CLIP3: variants seen among roughly 807,000 people sequenced by gnomAD.
CLIP3 encodes CAP-Gly domain-containing linker protein 3.
Under a neutral mutation model 59.4 loss-of-function variants are expected in CLIP3, and 15 were observed. The ratio of observed to expected loss-of-function variants is 0.25; its 90% confidence interval spans 0.17 to 0.39. The LOEUF is 0.39. Ranked by LOEUF, CLIP3 falls within the 10% of genes least tolerant of loss-of-function variation. CLIP3 has a pLI of 1.00. For missense variants in CLIP3, 495 were observed against 765.7 expected (o/e 0.65, Z 4.17); for synonymous variants, 300 against 321.6 (o/e 0.93, Z 0.72).
At chr19:36,021,738 A>G (rs997825664) in intron 7 of CLIP3, among the ~76,000 whole-genome samples, 4 of 151,636 alleles carry the variant, frequency 2.6e-5, no homozygotes, top group African/African-American at 9.7e-5. Context: ...CATTTTTAAC[A>G]CATGTAAACT....
intron 2 of CLIP3, among the ~76,000 whole-genome samples, chr19:36,028,210 C>T (rs1003051448): frequency 6.6e-6 from 1 of 151,776 alleles, no homozygotes; most frequent in Non-Finnish European, 1.5e-5. Flanking sequence ...TGGTGGTGGG[C>T]GCCGGTAATC....
intron 7 of CLIP3, among the ~76,000 whole-genome samples, chr19:36,022,861 C>G (rs542748007): frequency 8.4e-4 from 128 of 152,256 alleles, no homozygotes; most frequent in African/African-American, 2.9e-3. Context: ...CAAGACCATC[C>G]TGGCTAACAC....
intron 2 of CLIP3, among the ~76,000 whole-genome samples, chr19:36,028,157 G>T (rs1329245550): frequency 6.6e-6 from 1 of 151,892 alleles, no homozygotes; most frequent in Non-Finnish European, 1.5e-5. Context: ...GTCCAACGTG[G>T]TGAAACCCTG....
rs752645258 is a variant in CLIP3, at chr19:36,026,615, C to T, written c.533G>A (p.Arg178His). ...CGGCCTCGCACCCTTCAGCAGCACA[C>T]GCACGAGGTCGGGCACATCAAAATA... ...AAYFDVPDLV[R>H]VLLKGARPRV... is the part of the protein sequence containing the mutation. Residue 178 changes from arginine to histidine, a missense_variant, in exon 5 of 14, where the codon CGT becomes CAT. Physicochemically the swap from Arg to His is conservative, Grantham distance 29. This residue lies in a region of CLIP3 where 194 missense variants were observed against 327.8 expected (regional missense o/e 0.59). Transcript: ENST00000360535. The surrounding 1 kb of genome is among the most constrained non-coding windows in gnomAD (Gnocchi z 6.3). The T allele has an allele frequency of 5.6e-6, 9 of 1,613,606 alleles. No homozygotes were observed. The highest frequency in any genetic ancestry group is 1.6e-4 in the Middle Eastern group (1 of 6,082).
chr19:36,031,025 T>TTTTC (rs1969251739), intron 2 of CLIP3, among the ~76,000 whole-genome samples: 1 of 82,652 alleles, frequency 1.2e-5, no homozygotes, highest in African/African-American at 6.6e-5. Flanking sequence ...TTTTTTTTCT[T>TTTTC]TTTTTTTTTT....
chr19:36,027,149 C>G lies in CLIP3; in HGVS notation c.289G>C (p.Asp97His). The change falls in exon 3 of 14, where the codon GAC (aspartate) becomes CAC (histidine). Residue 97 changes from aspartate (D) to histidine (H), a missense_variant. Physicochemically the swap from Asp to His is moderately conservative, Grantham distance 81. This residue lies in a region of CLIP3 where 26 missense variants were observed against 79.5 expected (regional missense o/e 0.33). Coordinates refer to ENST00000360535, the MANE Select transcript of CLIP3 (RefSeq NM_015526.3). ...GTTCTCACCTCATTGCCGATGACGT[C>G]TATCTTGTGCTGGACTTGGGGCACC... The part of the protein sequence containing the change: ...QWVPQVQHKI[D>H]VIGNEILRRG... 1 of 1,611,548 alleles carries G rather than the reference C, an allele frequency of 6.2e-7. No individual in the cohort carries two copies. Among genetic ancestry groups the G allele is most frequent in the Non-Finnish European group, 8.5e-7 (1 of 1,178,906 alleles).
intron 9 of CLIP3, among the ~76,000 whole-genome samples, chr19:36,018,313 G>A (rs576018255): frequency 1.1e-4 from 17 of 152,238 alleles, no homozygotes; most frequent in African/African-American, 3.6e-4. Context: ...GTGCAGTGGC[G>A]CAGGCCTGTA....
Position 36,018,086 on chromosome 19 carries a change from T to C in CLIP3, c.1184-95A>G. 2.8e-6 allele frequency: 4 copies of C among 1,412,312 alleles called. No homozygotes were observed. The South Asian group carries it at 5.1e-5, about 18-fold the overall frequency. The allele number at this position is 1,412,312 out of a possible 1,614,324, so 87.5% of individuals were successfully genotyped here. ...AAAACCCCAAGGTAGAAAACCCTGTTCTTCGTTTGAAGTGAAACTGAATCC... is the reference window on the plus strand; with the variant it reads ...AAAACCCCAAGGTAGAAAACCCTGTCCTTCGTTTGAAGTGAAACTGAATCC... On this transcript the variant is annotated intron_variant, in intron 9 of 13. Transcript: ENST00000360535.
chr19:36,024,302 G>C, intron 7 of CLIP3, 94 bp downstream of exon 7: 2 of 1,038,016 alleles, frequency 1.9e-6, no homozygotes, highest in East Asian at 2.5e-5. Flanking sequence ...ACAAAGGGCA[G>C]GGACTGCACT....
At chr19:36,019,144 C>T in intron 8 of CLIP3, 27 bp downstream of exon 8, 2 of 1,613,512 alleles carry the variant, frequency 1.2e-6, no homozygotes, top group Non-Finnish European at 1.7e-6. Flanking sequence ...CCAGCCACAC[C>T]CCTCTTGGGC....
intron 7 of CLIP3, 96 bp downstream of exon 7, chr19:36,024,300 C>T: frequency 2.0e-6 from 2 of 1,014,744 alleles, no homozygotes; most frequent in Non-Finnish European, 2.9e-6. Flanking sequence ...AGACAAAGGG[C>T]AGGGACTGCA....
intron 2 of CLIP3, among the ~76,000 whole-genome samples, chr19:36,029,807 T>C (rs370009825): frequency 6.6e-6 from 1 of 152,112 alleles, no homozygotes; most frequent in South Asian, 2.1e-4. Context: ...ATTTAACAGA[T>C]ACATGATTTC....
intron 6 of CLIP3, among the ~76,000 whole-genome samples, chr19:36,025,299 G>A (rs552285811): frequency 9.2e-5 from 14 of 152,114 alleles, no homozygotes; most frequent in Admixed American, 6.5e-4. Context: ...ATTGAGAATG[G>A]GCTCCTGTGG....
intron 6 of CLIP3, among the ~76,000 whole-genome samples, chr19:36,025,227 G>A (rs1013710170): frequency 8.5e-5 from 13 of 152,078 alleles, no homozygotes; most frequent in Admixed American, 3.9e-4. Context: ...TGTAGGTCAC[G>A]CCCTCAGGGA....
chr19:36,023,016 C>T (rs1968994248), intron 7 of CLIP3, among the ~76,000 whole-genome samples: 1 of 152,140 alleles, frequency 6.6e-6, no homozygotes, highest in South Asian at 2.1e-4. Context: ...GATCGCGCCA[C>T]CGCACTCCAG....
intron 2 of CLIP3, among the ~76,000 whole-genome samples, chr19:36,029,505 G>A (rs536379284): frequency 1.3e-4 from 19 of 150,198 alleles, no homozygotes; most frequent in African/African-American, 3.4e-4. Flanking sequence ...GGCTGGTCTC[G>A]AACTCCTGGG....
In CLIP3 at chr19:36,019,534, G is replaced by A. The variant is rs1968895939; in HGVS notation, c.919-228C>T. The A allele has an allele frequency of 1.1e-5, 7 of 627,628 alleles. No homozygotes were observed. The Admixed American group carries it at 1.4e-4, about 13-fold the overall frequency. 38.9% of individuals were successfully genotyped at this position (627,628 alleles called of 1,614,324 possible). A position where few individuals can be genotyped will look rare whatever the true frequency, so the allele number is the denominator to read the frequency against. ...CACCTTATAGGATTGTTAAAGAGTT[G>A]CCCTGTCTCATATAGTGAATAGTGA... On this transcript the variant is annotated intron_variant, in intron 7 of 13. Coordinates refer to ENST00000360535, the MANE Select transcript of CLIP3 (RefSeq NM_015526.3).
rs1200130602 is a variant in CLIP3, at chr19:36,026,563, C to G, written c.562+23G>C. On this transcript the variant is annotated intron_variant, in intron 5 of 13. Transcript: ENST00000360535. This position sits in a 1 kb window ranked among gnomAD's most constrained non-coding sequence, Gnocchi z 6.3. ...CCCTCACCCAGGTCCTTGCCCCCTC[C>G]CAGCCAGGGCTCTCCTCCTCACCTC... The G allele has an allele frequency of 6.2e-7, 1 of 1,611,886 alleles. No individual in the cohort carries two copies. Among genetic ancestry groups the G allele is most frequent in the Non-Finnish European group, 8.5e-7 (1 of 1,178,958 alleles).
chr19:36,031,308 T>C (rs940158990), intron 2 of CLIP3, among the ~76,000 whole-genome samples: 3 of 152,180 alleles, frequency 2.0e-5, no homozygotes, highest in Non-Finnish European at 4.4e-5. Context: ...TGAGACACCA[T>C]GCCCAGCCCA....
Sources: gnomAD v4.1 joint callset for allele counts (sites outside exome capture counted in the v4.1 genomes callset) on GRCh38, gnomAD v4.1.1 for gene constraint, gnomAD v4.1.1 regional missense constraint, Gnocchi (gnomAD v3.1) non-coding constraint, MANE v1.5 for transcripts, NCBI Gene and HGNC (gene_info 2026-07-23, HGNC 2026-07-21) for gene names.